GABRA3: variants seen among roughly 807,000 people sequenced by gnomAD.
GABRA3 encodes gamma-aminobutyric acid type A receptor subunit alpha3, also known as gamma-aminobutyric acid receptor subunit alpha-3.
Under a neutral mutation model 30.1 loss-of-function variants are expected in GABRA3, and 10 were observed. The observed-to-expected ratio is 0.33, with a 90% CI of 0.20 to 0.56. The LOEUF is 0.56. GABRA3 is among the 20% of genes least tolerant of loss of function. GABRA3 has a pLI of 0.89. For missense variants in GABRA3, 233 were observed against 392.0 expected (o/e 0.59, Z 3.42); for synonymous variants, 151 against 146.8 (o/e 1.03, Z -0.21).
At chrX:152,281,789 C>T (rs1939203567) in intron 4 of GABRA3, among the ~76,000 whole-genome samples, 1 of 112,126 alleles carries the variant, frequency 8.9e-6, no homozygotes, top group Non-Finnish European at 1.9e-5. Flanking sequence ...TCTCAACAAA[C>T]ACATACAGAG....
intron 1 of GABRA3, among the ~76,000 whole-genome samples, chrX:152,377,520 T>C (rs899252831): frequency 9.1e-6 from 1 of 110,111 alleles, no homozygotes; most frequent in Non-Finnish European, 1.9e-5. Flanking sequence ...AGCAAAACTA[T>C]AAAACAAAAC....
intron 4 of GABRA3, among the ~76,000 whole-genome samples, chrX:152,275,298 TTATA>T (rs1341184472): frequency 1.9e-5 from 1 of 52,850 alleles, no homozygotes; most frequent in African/African-American, 7.9e-5. Context: ...TAATTTAATA[TTATA>T]TATAAATATA....
chrX:152,410,363 G>C (rs1249595150), intron 1 of GABRA3, among the ~76,000 whole-genome samples: 1 of 111,307 alleles, frequency 9.0e-6, no homozygotes, highest in Non-Finnish European at 1.9e-5. Flanking sequence ...ATAAAAAAAA[G>C]TGAAATTGGA....
At chrX:152,316,343 C>T (rs1022096890) in intron 3 of GABRA3, among the ~76,000 whole-genome samples, 8 of 111,414 alleles carry the variant, frequency 7.2e-5, no homozygotes, top group Admixed American at 1.9e-4. Flanking sequence ...ACAAAGACTC[C>T]AAGAAGTTTG....
At chrX:152,226,325 T>C in intron 5 of GABRA3, among the ~76,000 whole-genome samples, 2 of 112,046 alleles carry the variant, frequency 1.8e-5, no homozygotes, top group Middle Eastern at 9.2e-3. Flanking sequence ...CAATGTATAA[T>C]TGTTATCATT....
chrX:152,206,346 T>C (rs751814380), intron 7 of GABRA3, among the ~76,000 whole-genome samples: 4 of 111,876 alleles, frequency 3.6e-5, no homozygotes, highest in Admixed American at 1.9e-4. Context: ...GCATTGGTGG[T>C]GGCACCTCTT....
At chrX:152,311,525 C>T (rs1939799006) in intron 3 of GABRA3, among the ~76,000 whole-genome samples, 1 of 111,926 alleles carries the variant, frequency 8.9e-6, no homozygotes, top group African/African-American at 3.2e-5. Context: ...AAAACCTCAA[C>T]AAACTAGGCA....
chrX:152,296,603 G>C (rs1939532403), intron 3 of GABRA3, among the ~76,000 whole-genome samples: 1 of 111,613 alleles, frequency 9.0e-6, no homozygotes, highest in Admixed American at 9.5e-5. Context: ...TGGTAGGCTT[G>C]GGTTCTAGCA....
chrX:152,212,505 GATGAC>G (rs1937644363), intron 6 of GABRA3, among the ~76,000 whole-genome samples: 1 of 109,003 alleles, frequency 9.2e-6, no homozygotes, highest in South Asian at 3.9e-4. Context: ...AAAGGAGAGA[GATGAC>G]ATGACCAGAT....
chrX:152,277,907 A>C (rs745827069), intron 4 of GABRA3, among the ~76,000 whole-genome samples: 4 of 111,572 alleles, frequency 3.6e-5, no homozygotes, highest in South Asian at 7.6e-4. Context: ...AAAGCCTGCA[A>C]AGTTTATTCA....
intron 9 of GABRA3, among the ~76,000 whole-genome samples, chrX:152,188,026 C>T (rs1192999359): frequency 9.0e-6 from 1 of 111,425 alleles, no homozygotes; most frequent in Non-Finnish European, 1.9e-5. Flanking sequence ...ATATGGTTCC[C>T]ATGAGACCAT....
intron 1 of GABRA3, among the ~76,000 whole-genome samples, chrX:152,366,375 G>A (rs1218823977): frequency 8.9e-6 from 1 of 111,733 alleles, no homozygotes; most frequent in African/African-American, 3.2e-5. Context: ...GAAAACATGA[G>A]TCCATGAGTA....
chrX:152,291,152 G>T (rs1337324705), intron 3 of GABRA3, among the ~76,000 whole-genome samples: 2 of 111,869 alleles, frequency 1.8e-5, no homozygotes, highest in African/African-American at 3.2e-5. Flanking sequence ...CATGAGGGTA[G>T]AATGTTCTTC....
At chrX:152,422,479 T>C (rs1930400036) in intron 1 of GABRA3, among the ~76,000 whole-genome samples, 1 of 110,613 alleles carries the variant, frequency 9.0e-6, no homozygotes, top group Admixed American at 9.7e-5. Flanking sequence ...ACCCTGATAG[T>C]GGTTACATTT....
At chrX:152,394,250 A>T (rs1242454799) in intron 1 of GABRA3, among the ~76,000 whole-genome samples, 1 of 112,217 alleles carries the variant, frequency 8.9e-6, no homozygotes, top group Non-Finnish European at 1.9e-5. Flanking sequence ...TGGATAATCC[A>T]GGATTCAAAT....
At chrX:152,370,524 T>C (rs181425014) in intron 1 of GABRA3, among the ~76,000 whole-genome samples, 21 of 112,213 alleles carry the variant, frequency 1.9e-4, no homozygotes, top group Admixed American at 1.8e-3. Context: ...AAATTTGAAA[T>C]TGGGCAGGTT....
chrX:152,388,008 A>C (rs960587399), intron 1 of GABRA3, among the ~76,000 whole-genome samples: 2 of 112,215 alleles, frequency 1.8e-5, no homozygotes, highest in Non-Finnish European at 3.8e-5. Context: ...GCAATATAAC[A>C]GTATATTAGT....
chrX:152,298,302 G>T (rs1939567047), intron 3 of GABRA3, among the ~76,000 whole-genome samples: 1 of 110,564 alleles, frequency 9.0e-6, no homozygotes, highest in Non-Finnish European at 1.9e-5. Context: ...GTATACATGT[G>T]CCATGTTGGT....
chrX:152,232,590 A>C (rs1938104029), intron 5 of GABRA3, among the ~76,000 whole-genome samples: 1 of 109,146 alleles, frequency 9.2e-6, no homozygotes, highest in Admixed American at 9.9e-5. Flanking sequence ...AAAAAGAGAT[A>C]ATTTCATTAT....
Sources: allele counts gnomAD v4.1 joint callset (sites outside exome capture counted in the v4.1 genomes callset), GRCh38; gene constraint gnomAD v4.1.1; transcripts MANE v1.5; gene names NCBI Gene and HGNC (gene_info 2026-07-23, HGNC 2026-07-21).